The following NCAM1 variants were observed in gnomAD, a reference collection of about 807,000 sequenced individuals.
The protein encoded by NCAM1 is antigen recognized by monoclonal antibody 5.1H11.
A neutral mutation model predicts 109.8 loss-of-function variants in NCAM1; 14 were observed. The observed-to-expected ratio is 0.13, with a 90% CI of 0.08 to 0.20. NCAM1 has a LOEUF of 0.20. Among genes scored for constraint, NCAM1 ranks in the 10% least tolerant of loss-of-function variants. The pLI is 1.00. For missense variants in NCAM1, 774 were observed against 1,109.9 expected, an observed-to-expected ratio of 0.70 and a Z score of 4.30; for synonymous variants, 418 against 442.9, an observed-to-expected ratio of 0.94 and a Z score of 0.70.
chr11:113,029,940 C>T (rs1555078055), intron 1 of NCAM1, among the ~76,000 whole-genome samples: 6 of 152,036 alleles, frequency 3.9e-5, no homozygotes, highest in Non-Finnish European at 8.8e-5. Flanking sequence ...AGGCTGGGGA[C>T]CCAAAGAGAC....
chr11:113,035,056 T>A (rs1555078950), intron 1 of NCAM1, among the ~76,000 whole-genome samples: 2 of 152,202 alleles, frequency 1.3e-5, no homozygotes, highest in African/African-American at 4.8e-5. Context: ...TTTAACACCT[T>A]ATTCTTTGAA....
chr11:113,037,353 GC>G lies in NCAM1; in HGVS notation c.52+75692del, dbSNP rs542964446. 1.9e-4 allele frequency among the ~76,000 whole-genome samples: 29 copies of G among 152,288 alleles called. No individual in the cohort carries two copies. The East Asian group carries it at 5.6e-3, about 29-fold the overall frequency. Reference sequence around the variant, plus strand: ...GCTGTAATCCCTTTGCTCTTTTCCTGCCCAGGCAGCCTGGGGTCTGTTCCCA... The same window carrying G: ...GCTGTAATCCCTTTGCTCTTTTCCTGCCAGGCAGCCTGGGGTCTGTTCCCA... On this transcript the variant is annotated intron_variant, in intron 1 of 19. Coordinates refer to ENST00000316851, the MANE Select transcript of NCAM1 (RefSeq NM_181351.5).
Position 113,009,317 on chromosome 11 carries a change from T to TTTGTTGTTG in NCAM1, c.52+47655_52+47656insGTTGTTGTT, listed in dbSNP as rs1304601939. ...AATTGGAAGGGTTTTTTCGGGTTTT[T>TTTGTTGTTG]TTTTTTTTTTTTTTTTTTTTTTTTA... On this transcript the variant is annotated intron_variant, in intron 1 of 19. Transcript: ENST00000316851. Among the ~76,000 whole-genome samples the TTTGTTGTTG allele has an allele frequency of 5.7e-3, 605 of 106,808 alleles. 9 individuals carry two copies. Among genetic ancestry groups the TTTGTTGTTG allele is most frequent in the South Asian group, 0.023 (71 of 3,106 alleles). The allele number at this position is 106,808 out of a possible 152,430, so 70.1% of individuals were successfully genotyped here. A position where few individuals can be genotyped will look rare whatever the true frequency, so the allele number is the denominator to read the frequency against.
At chr11:112,975,219 T>A (rs951567607) in intron 1 of NCAM1, among the ~76,000 whole-genome samples, 5 of 152,074 alleles carry the variant, frequency 3.3e-5, no homozygotes, top group Non-Finnish European at 1.5e-5. Flanking sequence ...TAGAAAGACG[T>A]GGACTTGGCA....
intron 17 of NCAM1, among the ~76,000 whole-genome samples, chr11:113,261,871 A>T (rs1176198027): frequency 4.6e-5 from 7 of 152,178 alleles, no homozygotes; most frequent in African/African-American, 1.7e-4. Flanking sequence ...TCCTAGCAGC[A>T]CTGGCTTCTG....
At chr11:113,199,872 C>T (rs918491040) in intron 1 of NCAM1, among the ~76,000 whole-genome samples, 9 of 138,426 alleles carry the variant, frequency 6.5e-5, no homozygotes, top group African/African-American at 1.7e-4. Context: ...TAAATGTGTG[C>T]GTGGGATCCT....
rs1185440310 is a variant in NCAM1 at position 113,233,432 on chromosome 11, T to C, written c.1693+115T>C. On this transcript the variant is annotated intron_variant, in intron 13 of 19. Transcript: ENST00000316851. This position sits in a 1 kb window ranked among gnomAD's most constrained non-coding sequence, Gnocchi z 4.5. ...GAATCAGGAACTGCACCTCCAGAAT[T>C]AGGTCAAAGTCATATCTGCCTGTAG... The C allele has an allele frequency of 1.7e-6, 2 of 1,143,192 alleles. No homozygotes were observed. The highest frequency in any genetic ancestry group is 3.1e-5 in the African/African-American group (2 of 63,858). The allele number at this position is 1,143,192 out of a possible 1,614,324, so 70.8% of individuals were successfully genotyped here. A position where few individuals can be genotyped will look rare whatever the true frequency, so the allele number is the denominator to read the frequency against.
intron 1 of NCAM1, among the ~76,000 whole-genome samples, chr11:113,163,968 T>C (rs80327551): frequency 0.078 from 11,806 of 152,200 alleles, 570 homozygotes; most frequent in Non-Finnish European, 0.1. Context: ...CCCTACCCAC[T>C]GGCATGTTCC....
At chr11:113,257,585 G>A (rs534946862) in intron 16 of NCAM1, among the ~76,000 whole-genome samples, 1 of 152,304 alleles carries the variant, frequency 6.6e-6, no homozygotes, top group African/African-American at 2.4e-5. Flanking sequence ...TTTGTCTGAG[G>A]AGCCACTGTG....
intron 1 of NCAM1, among the ~76,000 whole-genome samples, chr11:113,168,892 G>A (rs1356055702): frequency 3.3e-5 from 5 of 152,144 alleles, no homozygotes; most frequent in South Asian, 2.1e-4. Context: ...ATAGAAAAAC[G>A]TTAACTGTGT....
intron 1 of NCAM1, among the ~76,000 whole-genome samples, chr11:113,051,410 T>G (rs7933591): frequency 0.47 from 71,272 of 151,998 alleles, 17,473 homozygotes; most frequent in East Asian, 0.81. Flanking sequence ...TAAGTCTCTC[T>G]TAATTCTAAC....
At chr11:113,189,855 A>T (rs1307713733) in intron 1 of NCAM1, among the ~76,000 whole-genome samples, 1 of 139,958 alleles carries the variant, frequency 7.1e-6, no homozygotes, top group Non-Finnish European at 1.5e-5. Flanking sequence ...AAATGCTACC[A>T]TAAAAACAAA....
In NCAM1 at chr11:113,181,236, C is replaced by T. The variant is rs938328436; in HGVS notation, c.53-21143C>T. 2.0e-5 allele frequency among the ~76,000 whole-genome samples: 3 copies of T among 152,152 alleles called. No individual in the cohort carries two copies. In the South Asian group the frequency reaches 6.2e-4, roughly 32 times the overall value. The stretch of plus-strand genomic sequence containing the variant: ...GGAGAGCCCTGGGCAGCCTCTCGGG[C>T]CCTGCCAGCCCTGTGGTTCCAAGCT... On this transcript the variant is annotated intron_variant, in intron 1 of 19. Transcript: ENST00000316851.
intron 1 of NCAM1, among the ~76,000 whole-genome samples, chr11:113,050,985 T>G (rs1953465436): frequency 6.6e-6 from 1 of 152,210 alleles, no homozygotes; most frequent in African/African-American, 2.4e-5. Flanking sequence ...TCTATCATTT[T>G]CTATCTTGTC....
At chr11:113,018,191 A>C (rs918885379) in intron 1 of NCAM1, among the ~76,000 whole-genome samples, 9 of 152,160 alleles carry the variant, frequency 5.9e-5, no homozygotes, top group African/African-American at 1.9e-4. Flanking sequence ...GTAAAAAAAA[A>C]ACACACACAT....
Position 113,235,088 on chromosome 11 carries a change from C to A in NCAM1, c.1749C>A (p.Ala583=). 2 of 1,598,742 alleles carry A rather than the reference C, an allele frequency of 1.3e-6. No individual in the cohort carries two copies. The highest frequency in any genetic ancestry group is 8.5e-7 in the Non-Finnish European group (1 of 1,172,538). ...GCCTGAAGCCCGAAACAACGTACGC[C>A]GTAAGGCTGGCGGCGCTCAATGGCA... The part of the protein sequence containing the change: ...IVGLKPETTY[A]VRLAALNGKG... Residue 583 remains alanine (A), a synonymous_variant, in exon 14 of 20, where the codon GCC becomes GCA. Transcript: ENST00000316851.
intron 1 of NCAM1, among the ~76,000 whole-genome samples, chr11:112,995,253 A>T (rs983791981): frequency 6.6e-6 from 1 of 152,216 alleles, no homozygotes; most frequent in African/African-American, 2.4e-5. Context: ...TTTATGGTGG[A>T]TTTGATACAC....
At chr11:113,068,700 A>C (rs1364105451) in intron 1 of NCAM1, among the ~76,000 whole-genome samples, 1 of 152,146 alleles carries the variant, frequency 6.6e-6, no homozygotes, top group Non-Finnish European at 1.5e-5. Context: ...CATTCTACCA[A>C]AAGGATCTCA....
chr11:113,135,458 G>A (rs1941563525), intron 1 of NCAM1, among the ~76,000 whole-genome samples: 1 of 152,046 alleles, frequency 6.6e-6, no homozygotes, highest in Non-Finnish European at 1.5e-5. Flanking sequence ...CCCTTGTGAG[G>A]CTCCAGAGCA....
Sources: gnomAD v4.1 joint callset for allele counts (sites outside exome capture counted in the v4.1 genomes callset) on GRCh38, gnomAD v4.1.1 for gene constraint, Gnocchi (gnomAD v3.1) non-coding constraint, MANE v1.5 for transcripts, NCBI Gene and HGNC (gene_info 2026-07-23, HGNC 2026-07-21) for gene names.